AGBL1: variants seen among roughly 807,000 people sequenced by gnomAD.
AGBL1 encodes cytosolic carboxypeptidase 4.
Under a neutral mutation model 118.9 loss-of-function variants are expected in AGBL1, and 130 were observed. The observed-to-expected ratio is 1.09, with a 90% CI of 0.95 to 1.26. The LOEUF is 1.26. AGBL1 is among the 50% of genes most tolerant of loss of function. AGBL1 has a pLI of 0.00. For missense variants in AGBL1, 1,584 were observed against 1,298.1 expected, an observed-to-expected ratio of 1.22 and a Z score of -3.38; for synonymous variants, 555 against 478.9, an observed-to-expected ratio of 1.16 and a Z score of -2.08.
intron 16 of AGBL1, among the ~76,000 whole-genome samples, chr15:86,284,310 T>C (rs2079406711): frequency 6.6e-6 from 1 of 152,166 alleles, no homozygotes; most frequent in Non-Finnish European, 1.5e-5. Flanking sequence ...ATCATCATAA[T>C]ATAGCTTTGC....
chr15:87,031,328 G>GAAAT (rs1567295656), downstream of AGBL1, among the ~76,000 whole-genome samples: 3 of 151,746 alleles, frequency 2.0e-5, no homozygotes, highest in South Asian at 6.2e-4. Context: ...CATATTAACA[G>GAAAT]AAATAGAGAG....
chr15:86,175,707 A>ATTT (rs2077473344), intron 5 of AGBL1, among the ~76,000 whole-genome samples: 2 of 152,016 alleles, frequency 1.3e-5, no homozygotes, highest in African/African-American at 4.8e-5. Flanking sequence ...TTTTACTTTC[A>ATTT]TTTATTTCAA....
At chr15:86,603,081 A>G (rs904338968) in intron 21 of AGBL1, among the ~76,000 whole-genome samples, 2 of 152,226 alleles carry the variant, frequency 1.3e-5, no homozygotes, top group Admixed American at 1.3e-4. Flanking sequence ...ATTGGTCCAC[A>G]TGCATTCTGA....
intron 22 of AGBL1, among the ~76,000 whole-genome samples, chr15:86,830,035 G>A (rs994862846): frequency 4.6e-5 from 7 of 151,842 alleles, no homozygotes; most frequent in Admixed American, 2.0e-4. Flanking sequence ...CTTACCACCA[G>A]GTATGATTCT....
intron 6 of AGBL1, among the ~76,000 whole-genome samples, chr15:86,243,786 A>G (rs1412353184): frequency 6.6e-6 from 1 of 152,152 alleles, no homozygotes. Context: ...AGGTGAGTGG[A>G]TCACTTGAGG....
At position 86,264,492 on chromosome 15, in the gene AGBL1, A is replaced by T. The variant is rs375498700; in HGVS notation, c.1321A>T (p.Asn441Tyr). 12 of 1,613,886 alleles carry T rather than the reference A, an allele frequency of 7.4e-6. No individual in the cohort carries two copies. Among genetic ancestry groups the T allele is most frequent in the African/African-American group, 1.3e-5 (1 of 74,922 alleles). The part of the protein sequence containing the change: ...KKNPGVNLYQ[N>Y]VQSNSLRRDS... ...AAATCCTGGAGTGAACCTGTACCAA[A>T]ATGTGCAATCCAATAGTCTCAGGAG... Residue 441 changes from asparagine to tyrosine, a missense_variant, in exon 11 of 23, where the codon AAT becomes TAT. By Grantham distance (143) the Asn-to-Tyr change is moderately radical (BLOSUM62 -2). Transcript: ENST00000614907.
chr15:86,351,487 C>A (rs925083549), intron 17 of AGBL1, among the ~76,000 whole-genome samples: 1 of 152,124 alleles, frequency 6.6e-6, no homozygotes, highest in Non-Finnish European at 1.5e-5. Flanking sequence ...CGTTCCTCTA[C>A]CATTGTGTGT....
chr15:86,679,019 A>G (rs564526647), intron 22 of AGBL1, among the ~76,000 whole-genome samples: 2 of 152,212 alleles, frequency 1.3e-5, no homozygotes, highest in African/African-American at 4.8e-5. Flanking sequence ...TGTTGCAAAC[A>G]CCACCTCATT....
At chr15:87,011,192 C>T (rs558367555) in intron 24 of AGBL1, among the ~76,000 whole-genome samples, 11 of 150,906 alleles carry the variant, frequency 7.3e-5, no homozygotes, top group Non-Finnish European at 1.5e-4. Context: ...CATCTGCCAG[C>T]TAGATGATGT....
intron 18 of AGBL1, among the ~76,000 whole-genome samples, chr15:86,512,684 C>A (rs1057178785): frequency 2.0e-5 from 3 of 151,638 alleles, no homozygotes; most frequent in African/African-American, 7.2e-5. Flanking sequence ...ATGTTCTTTG[C>A]CTGTCTTCAA....
chr15:86,703,741 C>T (rs1596385726), intron 22 of AGBL1, among the ~76,000 whole-genome samples: 1 of 152,118 alleles, frequency 6.6e-6, no homozygotes, highest in Non-Finnish European at 1.5e-5. Context: ...TGCTCTCTTG[C>T]CTGCTGCCAG....
chr15:86,208,756 T>C (rs1461581039), intron 5 of AGBL1, among the ~76,000 whole-genome samples: 1 of 152,172 alleles, frequency 6.6e-6, no homozygotes, highest in Non-Finnish European at 1.5e-5. Flanking sequence ...TATGTTGATG[T>C]TTTCAAAAAA....
intron 21 of AGBL1, among the ~76,000 whole-genome samples, chr15:86,565,559 G>A (rs899306355): frequency 6.6e-6 from 1 of 152,246 alleles, no homozygotes; most frequent in Non-Finnish European, 1.5e-5. Flanking sequence ...GTGCCTCCCA[G>A]TTAGGCTACT....
chr15:86,380,351 C>G (rs555807231), intron 17 of AGBL1, among the ~76,000 whole-genome samples: 1 of 150,058 alleles, frequency 6.7e-6, no homozygotes, highest in East Asian at 2.0e-4. Flanking sequence ...GTGGTGCAAT[C>G]TCGGCTCACT....
At chr15:86,614,414 C>T (rs749171041) in intron 21 of AGBL1, among the ~76,000 whole-genome samples, 2 of 152,174 alleles carry the variant, frequency 1.3e-5, no homozygotes, top group Admixed American at 1.3e-4. Context: ...CCTTCAAGCA[C>T]TTTTATAAAT....
chr15:87,030,350 T>TAA (rs1169928661), downstream of AGBL1, among the ~76,000 whole-genome samples: 1 of 152,022 alleles, frequency 6.6e-6, no homozygotes, highest in African/African-American at 2.4e-5. Context: ...CCAATCGTTT[T>TAA]AAGAACCAAA....
At chr15:86,482,881 A>G (rs1240225568) in intron 18 of AGBL1, among the ~76,000 whole-genome samples, 1 of 152,064 alleles carries the variant, frequency 6.6e-6, no homozygotes, top group Admixed American at 6.6e-5. Context: ...GAAGGATGAC[A>G]AGGTTCATAA....
intron 5 of AGBL1, among the ~76,000 whole-genome samples, chr15:86,166,854 C>T (rs754368920): frequency 6.6e-6 from 1 of 152,188 alleles, no homozygotes; most frequent in Non-Finnish European, 1.5e-5. Context: ...CTTGGTCCTT[C>T]ATATCCTGGG....
At chr15:86,430,384 A>C (rs1244135434) in intron 18 of AGBL1, among the ~76,000 whole-genome samples, 2 of 151,684 alleles carry the variant, frequency 1.3e-5, no homozygotes, top group African/African-American at 4.8e-5. Flanking sequence ...AGTACCAGCT[A>C]CTCAGGAGGC....
Sources: allele counts gnomAD v4.1 joint callset (sites outside exome capture counted in the v4.1 genomes callset), GRCh38; gene constraint gnomAD v4.1.1; transcripts MANE v1.5; gene names NCBI Gene and HGNC (gene_info 2026-07-23, HGNC 2026-07-21).